Variants in NR3C2 observed in about 807,000 individuals in gnomAD.
The protein encoded by NR3C2 is nuclear receptor subfamily 3 group C member 2.
A neutral mutation model predicts 86.4 loss-of-function variants in NR3C2; 15 were observed. The observed-to-expected ratio is 0.17, with a 90% confidence interval of 0.12 to 0.27. NR3C2 has a LOEUF of 0.27. NR3C2 is among the 10% of genes least tolerant of loss of function. The pLI is 1.00. For missense variants in NR3C2, 960 were observed against 1,195.6 expected, an observed-to-expected ratio of 0.80 and a Z score of 2.91; for synonymous variants, 458 against 450.5, an observed-to-expected ratio of 1.02 and a Z score of -0.21.
chr4:148,139,680 C>T (rs142442704), intron 6 of NR3C2, among the ~76,000 whole-genome samples: 39 of 152,332 alleles, frequency 2.6e-4, no homozygotes, highest in African/African-American at 8.2e-4. Context: ...CCTACTGCAG[C>T]TCCACTGATC....
intron 3 of NR3C2, among the ~76,000 whole-genome samples, chr4:148,256,581 C>G (rs569266710): frequency 6.6e-6 from 1 of 152,298 alleles, no homozygotes; most frequent in Admixed American, 6.5e-5. Flanking sequence ...TTGCCTTAAT[C>G]TCACACCTAG....
At chr4:148,391,099 T>C (rs1034541437) in intron 2 of NR3C2, among the ~76,000 whole-genome samples, 2 of 152,232 alleles carry the variant, frequency 1.3e-5, no homozygotes, top group African/African-American at 2.4e-5. Flanking sequence ...GAGGAACTGA[T>C]AGCATAAGGA....
chr4:148,135,731 A>G (rs1419896125), intron 6 of NR3C2, among the ~76,000 whole-genome samples: 2 of 152,184 alleles, frequency 1.3e-5, no homozygotes, highest in Non-Finnish European at 2.9e-5. Context: ...TCTCAAAGAA[A>G]AGAGCACAGA....
intron 4 of NR3C2, among the ~76,000 whole-genome samples, chr4:148,155,512 A>G (rs1378589148): frequency 6.6e-6 from 1 of 152,194 alleles, no homozygotes; most frequent in Non-Finnish European, 1.5e-5. Context: ...TCCCATTCAC[A>G]ATTACTTCAA....
At chr4:148,334,708 T>G (rs1744396646) in intron 2 of NR3C2, among the ~76,000 whole-genome samples, 1 of 152,210 alleles carries the variant, frequency 6.6e-6, no homozygotes. Flanking sequence ...TCTTAAAACA[T>G]TCTTGAACTA....
chr4:148,306,246 C>A (rs1742615191), intron 2 of NR3C2, among the ~76,000 whole-genome samples: 1 of 152,154 alleles, frequency 6.6e-6, no homozygotes. Context: ...CTTAGATGTA[C>A]CCCTTTTTTG....
chr4:148,384,090 A>G (rs1747143198), intron 2 of NR3C2, among the ~76,000 whole-genome samples: 1 of 152,136 alleles, frequency 6.6e-6, no homozygotes, highest in South Asian at 2.1e-4. Context: ...AAAACAATAC[A>G]TTTTATGTAG....
At chr4:148,305,815 G>A (rs1262808119) in intron 2 of NR3C2, among the ~76,000 whole-genome samples, 1 of 152,216 alleles carries the variant, frequency 6.6e-6, no homozygotes, top group Non-Finnish European at 1.5e-5. Flanking sequence ...CGTTCTCTCA[G>A]GAATAAGCAT....
At chr4:148,295,675 A>T (rs949192011) in intron 2 of NR3C2, among the ~76,000 whole-genome samples, 4 of 151,440 alleles carry the variant, frequency 2.6e-5, no homozygotes, top group Admixed American at 6.6e-5. Context: ...CACTGGCATT[A>T]CTGTAACTTT....
intron 2 of NR3C2, among the ~76,000 whole-genome samples, chr4:148,360,465 C>A (rs918267356): frequency 6.6e-6 from 1 of 152,134 alleles, no homozygotes; most frequent in Non-Finnish European, 1.5e-5. Flanking sequence ...AAGGCTCTTA[C>A]GGTAAAGCTA....
intron 2 of NR3C2, among the ~76,000 whole-genome samples, chr4:148,337,145 A>C (rs186764614): frequency 2.2e-4 from 34 of 152,358 alleles, no homozygotes; most frequent in Non-Finnish European, 3.7e-4. Flanking sequence ...GAATACAAAA[A>C]TATATGGAAA....
chr4:148,301,657 T>C (rs1742341505), intron 2 of NR3C2, among the ~76,000 whole-genome samples: 1 of 152,240 alleles, frequency 6.6e-6, no homozygotes, highest in Non-Finnish European at 1.5e-5. Context: ...TTTTAAAATT[T>C]CTGAGTCATC....
intron 3 of NR3C2, among the ~76,000 whole-genome samples, chr4:148,231,944 C>T (rs1367746608): frequency 2.0e-5 from 3 of 152,096 alleles, no homozygotes; most frequent in Non-Finnish European, 4.4e-5. Context: ...AATTTTTATC[C>T]TGAGATTGCA....
chr4:148,216,992 C>T (rs972231496), intron 3 of NR3C2, among the ~76,000 whole-genome samples: 21 of 152,136 alleles, frequency 1.4e-4, no homozygotes, highest in African/African-American at 4.8e-4. Flanking sequence ...ATAAGCCAAA[C>T]GTGAACTGAA....
At chr4:148,262,466 C>CACCTAA (rs1195398572) in intron 2 of NR3C2, among the ~76,000 whole-genome samples, 3 of 152,096 alleles carry the variant, frequency 2.0e-5, no homozygotes, top group African/African-American at 7.2e-5. Context: ...GTCTAACACG[C>CACCTAA]ACCTCAACCT....
intron 6 of NR3C2, among the ~76,000 whole-genome samples, chr4:148,147,866 G>T (rs1286534011): frequency 6.6e-6 from 1 of 152,206 alleles, no homozygotes; most frequent in East Asian, 1.9e-4. Context: ...CATGCTTTGA[G>T]TTTTCTAGTT....
intron 2 of NR3C2, among the ~76,000 whole-genome samples, chr4:148,405,879 CA>C (rs1210968524): frequency 6.6e-6 from 1 of 152,194 alleles, no homozygotes; most frequent in Admixed American, 6.5e-5. Flanking sequence ...CGTAGTGGCT[CA>C]CACCTGTCAT....
chr4:148,144,083 G>A (rs760623737), intron 6 of NR3C2, among the ~76,000 whole-genome samples: 53 of 151,796 alleles, frequency 3.5e-4, no homozygotes, highest in Non-Finnish European at 4.9e-4. Flanking sequence ...TATCTTCTGC[G>A]TGCTCAGTCT....
intron 2 of NR3C2, among the ~76,000 whole-genome samples, chr4:148,290,612 C>T (rs1344492050): frequency 2.0e-5 from 3 of 152,190 alleles, no homozygotes; most frequent in Non-Finnish European, 4.4e-5. Context: ...TGAATTTACA[C>T]ACAACAACTC....
Sources: allele counts gnomAD v4.1 joint callset (sites outside exome capture counted in the v4.1 genomes callset), GRCh38; gene constraint gnomAD v4.1.1; transcripts MANE v1.5; gene names NCBI Gene and HGNC (gene_info 2026-07-23, HGNC 2026-07-21).